ERN1: variants seen among roughly 807,000 people sequenced by gnomAD.
ERN1 encodes endoplasmic reticulum to nucleus signaling 1.
ERN1 carries 39 observed loss-of-function variants against 113.1 expected under a neutral mutation model. The ratio of observed to expected loss-of-function variants is 0.34; its 90% confidence interval spans 0.27 to 0.45. The LOEUF (loss-of-function observed/expected upper bound fraction) is 0.45. Among genes scored for constraint, ERN1 ranks in the 20% least tolerant of loss-of-function variants. The pLI is 1.00. For synonymous variants in ERN1, 507 were observed against 515.9 expected (o/e 0.98, Z 0.23); for missense variants, 976 against 1,274.8 (o/e 0.77, Z 3.57).
intron 1 of ERN1, among the ~76,000 whole-genome samples, chr17:64,110,882 C>T (rs1407954612): frequency 1.3e-5 from 2 of 152,186 alleles, no homozygotes; most frequent in East Asian, 1.9e-4. Context: ...CCAAACCTTC[C>T]GAGTTGAGGC....
intron 1 of ERN1, among the ~76,000 whole-genome samples, chr17:64,124,785 A>C (rs566008745): frequency 6.6e-6 from 1 of 152,268 alleles, no homozygotes; most frequent in Non-Finnish European, 1.5e-5. Context: ...ATTATTCAGC[A>C]ATAAAAAGGA....
intron 2 of ERN1, among the ~76,000 whole-genome samples, chr17:64,093,958 G>A (rs1914159257): frequency 6.6e-6 from 1 of 152,176 alleles, no homozygotes; most frequent in South Asian, 2.1e-4. Context: ...ACAGAGACTA[G>A]CGGACTTTAC....
chr17:64,130,093 C>G lies in ERN1; in HGVS notation c.-64G>C. ...AGAGGACGGGGCGGGGGCGCCGCGA[C>G]GACAGCGAGGCGGTGACCGAGCCTC... On this transcript the variant is annotated 5_prime_UTR_variant, in exon 1 of 22. Transcript: ENST00000433197. This position sits in a 1 kb window ranked among gnomAD's most constrained non-coding sequence, Gnocchi z 4.0. 1 of 1,277,058 alleles carries G rather than the reference C, an allele frequency of 7.8e-7. No homozygotes were observed. Among genetic ancestry groups the G allele is most frequent in the Non-Finnish European group, 9.9e-7 (1 of 1,007,326 alleles). The allele number at this position is 1,277,058 out of a possible 1,614,324, so 79.1% of individuals were successfully genotyped here.
intron 1 of ERN1, among the ~76,000 whole-genome samples, chr17:64,105,847 T>C (rs1914511415): frequency 6.6e-6 from 1 of 151,232 alleles, no homozygotes; most frequent in African/African-American, 2.4e-5. Flanking sequence ...CCCAGCTACT[T>C]GGGAAGCTGA....
At chr17:64,119,376 G>GTTGTTTTTTGTTTTTTT (rs777806993) in intron 1 of ERN1, among the ~76,000 whole-genome samples, 1 of 77,896 alleles carries the variant, frequency 1.3e-5, no homozygotes, top group African/African-American at 5.6e-5. Context: ...TTTTTTCTAG[G>GTTGTTTTTTGTTTTTTT]TTTTTTTTTT....
At chr17:64,103,166 C>A (rs960698729) in intron 1 of ERN1, among the ~76,000 whole-genome samples, 1 of 152,060 alleles carries the variant, frequency 6.6e-6, no homozygotes, top group Non-Finnish European at 1.5e-5. Context: ...AACACAAGAC[C>A]AGCACTGGAT....
At chr17:64,090,797 C>T (rs1254524716) in intron 2 of ERN1, among the ~76,000 whole-genome samples, 1 of 152,138 alleles carries the variant, frequency 6.6e-6, no homozygotes, top group Non-Finnish European at 1.5e-5. Flanking sequence ...TGCAGGTGAA[C>T]AAGGCTAGAT....
At chr17:64,083,058 T>C (rs752176931) in intron 2 of ERN1, among the ~76,000 whole-genome samples, 20 of 152,330 alleles carry the variant, frequency 1.3e-4, no homozygotes, top group Non-Finnish European at 2.4e-4. Flanking sequence ...GACCTAATTC[T>C]GTAAATGTTT....
At chr17:64,129,665 G>A (rs1915180845) in intron 1 of ERN1, 4 of 372,190 alleles carry the variant, frequency 1.1e-5, no homozygotes, top group Non-Finnish European at 1.9e-5. Flanking sequence ...CAAGTGCCGT[G>A]CAGGACGCCA....
At position 64,054,064 on chromosome 17, in the gene ERN1, C is replaced by A; in HGVS notation, c.1953+186G>T. ...AAGCAATCTTCCCACCTCAGCCTCC[C>A]AAGTAGCTGGGGCTACAGGAACACA... On this transcript the variant is annotated intron_variant, in intron 15 of 21. Transcript: ENST00000433197. The surrounding 1 kb of genome is among the most constrained non-coding windows in gnomAD (Gnocchi z 4.9). The A allele has an allele frequency of 1.9e-6, 1 of 528,976 alleles. No individual in the cohort carries two copies. The highest frequency in any genetic ancestry group is 3.3e-5 in the Admixed American group (1 of 30,262). The allele number at this position is 528,976 out of a possible 1,614,324, so 32.8% of individuals were successfully genotyped here.
chr17:64,065,176 T>A lies in ERN1; in HGVS notation c.921+33A>T, dbSNP rs1297214409. The A allele has an allele frequency of 4.0e-6, 6 of 1,486,992 alleles. No homozygotes were observed. The African/African-American group carries it at 6.9e-5, about 17-fold the overall frequency. The allele number at this position is 1,486,992 out of a possible 1,614,324, so 92.1% of individuals were successfully genotyped here. A position where few individuals can be genotyped will look rare whatever the true frequency, so the allele number is the denominator to read the frequency against. ...TTTGCTAAAATGGAACAGAAGTGGT[T>A]AGGCAGCTGCGAGCCCTCCGTAGTG... is the stretch of plus-strand genomic sequence containing the variant. On this transcript the variant is annotated intron_variant, in intron 9 of 21. Transcript: ENST00000433197.
chr17:64,094,941 C>T (rs1914189643), intron 2 of ERN1, among the ~76,000 whole-genome samples: 2 of 152,192 alleles, frequency 1.3e-5, no homozygotes, highest in South Asian at 2.1e-4. Context: ...ATCTGGATAC[C>T]TTTATCATTT....
chr17:64,075,227 TG>T lies in ERN1; in HGVS notation c.302del (p.Pro101GlnfsTer31). 1 of 1,466,484 alleles carries T rather than the reference TG, an allele frequency of 6.8e-7. No homozygotes were observed. The highest frequency in any genetic ancestry group is 9.0e-7 in the Non-Finnish European group (1 of 1,109,846). The allele number at this position is 1,466,484 out of a possible 1,614,324, so 90.8% of individuals were successfully genotyped here. A position where few individuals can be genotyped will look rare whatever the true frequency, so the allele number is the denominator to read the frequency against. On this transcript the variant is annotated frameshift_variant, in exon 5 of 22. Coordinates refer to ENST00000433197, the MANE Select transcript of ERN1 (RefSeq NM_001433.5). LOFTEE classifies it high-confidence loss of function. ...EGLTKLPFTI[P>X]ELVQASPCRS... ...GGCATGGGGATGCCTGCACCAATTCTGGGATGGTAAAAGGAAGTTTCTTTAA... is the reference window on the plus strand; with the variant it reads ...GGCATGGGGATGCCTGCACCAATTCTGGATGGTAAAAGGAAGTTTCTTTAA...
Position 64,079,669 on chromosome 17 carries a change from C to A in ERN1, c.275G>T (p.Gly92Val), listed in dbSNP as rs565847815. 6.2e-7 allele frequency: 1 copy of A among 1,613,540 alleles called. No individual in the cohort carries two copies. The highest frequency in any genetic ancestry group is 8.5e-7 in the Non-Finnish European group (1 of 1,179,498). Residue 92 changes from glycine to valine, a missense_variant, in exon 4 of 22, where the codon GGC (glycine) becomes GTC (valine). Gly to Val is a moderately radical substitution (Grantham distance 109). Coordinates refer to ENST00000433197, the MANE Select transcript of ERN1 (RefSeq NM_001433.5). The stretch of plus-strand genomic sequence containing the variant: ...GCAGCTAAATATACTCACCGTCAGG[C>A]CTTCATTATTCTTGCTTCCAAGCGT... ...LYTLGSKNNE[G>V]LTKLPFTIPE...
intron 1 of ERN1, among the ~76,000 whole-genome samples, chr17:64,116,320 A>G (rs916271884): frequency 1.3e-5 from 2 of 152,202 alleles, no homozygotes; most frequent in African/African-American, 4.8e-5. Context: ...CATCAAGATC[A>G]AGATAACTTA....
intron 1 of ERN1, among the ~76,000 whole-genome samples, chr17:64,120,096 C>T (rs1052446535): frequency 2.6e-5 from 4 of 152,022 alleles, no homozygotes; most frequent in Non-Finnish European, 4.4e-5. Context: ...ATGCCGGCCC[C>T]CACTCCCAGA....
rs181900001 is a variant in ERN1, at chr17:64,055,677, C to T, written c.1670G>A (p.Gly557Glu). 4.2e-5 allele frequency: 66 copies of T among 1,579,746 alleles called. No homozygotes were observed. The Middle Eastern group carries it at 8.5e-4, about 20-fold the overall frequency. Residue 557 changes from glycine to glutamate, a missense_variant and splice_region_variant, in exon 13 of 22, where the codon GGA becomes GAA. Physicochemically the swap from Gly to Glu is moderately conservative, Grantham distance 98. Around this residue, in one of 5 missense-constraint regions of ERN1, gnomAD observed 112 missense variants for 106.2 expected, o/e 1.05. Coordinates refer to ENST00000433197, the MANE Select transcript of ERN1 (RefSeq NM_001433.5). ...GSSPSLEQDD[G>E]DEETSVVIVG... Reference sequence around the variant, plus strand: ...ACCAAGATGGCAACTGGCTTTACCTCCATCGTCTTGTTCCAGGGAGGGGCT... The same window carrying T: ...ACCAAGATGGCAACTGGCTTTACCTTCATCGTCTTGTTCCAGGGAGGGGCT...
intron 1 of ERN1, among the ~76,000 whole-genome samples, chr17:64,104,538 G>C (rs954598730): frequency 3.9e-5 from 6 of 152,136 alleles, no homozygotes; most frequent in African/African-American, 1.2e-4. Context: ...AAGGGTCAGG[G>C]CCAGGTGTGG....
At position 64,064,147 on chromosome 17, in the gene ERN1, C is replaced by A. The variant is rs1158260119; in HGVS notation, c.926G>T (p.Arg309Leu). 3 of 1,594,620 alleles carry A rather than the reference C, an allele frequency of 1.9e-6. No homozygotes were observed. The change falls in exon 10 of 22, where the codon CGC (arginine) becomes CTC (leucine). Residue 309 changes from arginine to leucine, a missense_variant. By Grantham distance (102) the Arg-to-Leu change is moderately radical. Around this residue, in one of 5 missense-constraint regions of ERN1, gnomAD observed 459 missense variants for 581.2 expected, o/e 0.79. Transcript: ENST00000433197. ...MVHEGVAVVP[R>L]GSTLPLLEGP... ...TTCCAGCAAAGGAAGTGTGCTGCCG[C>A]GGGGCTGTGGAGAGGGTGCAGTGAG...
Sources: gnomAD v4.1 joint callset for allele counts (sites outside exome capture counted in the v4.1 genomes callset) on GRCh38, gnomAD v4.1.1 for gene constraint, gnomAD v4.1.1 regional missense constraint, Gnocchi (gnomAD v3.1) non-coding constraint, MANE v1.5 for transcripts, NCBI Gene and HGNC (gene_info 2026-07-23, HGNC 2026-07-21) for gene names.